The following KANSL3 variants were observed in gnomAD, a reference collection of about 807,000 sequenced individuals.
The protein encoded by KANSL3 is NSL complex protein NSL3.
In KANSL3, 16 loss-of-function variants were observed where a neutral mutation model predicts 89.2. The observed-to-expected ratio is 0.18, with a 90% CI of 0.12 to 0.27. The LOEUF is 0.27. Among genes scored for constraint, KANSL3 ranks in the 10% least tolerant of loss-of-function variants. The pLI is 1.00. For synonymous variants in KANSL3, 385 were observed against 419.7 expected, an observed-to-expected ratio of 0.92 and a Z score of 1.01; for missense variants, 879 against 1,110.6, an observed-to-expected ratio of 0.79 and a Z score of 2.96.
At position 96,633,683 on chromosome 2, in the gene KANSL3, T is replaced by C. The variant is rs1334747586; in HGVS notation, c.216-2201A>G. On this transcript the variant is annotated intron_variant, in intron 2 of 20. Coordinates refer to ENST00000431828, the MANE Select transcript of KANSL3 (RefSeq NM_001115016.3). ...GAGTTTGCAACCAGCCTGGGCAACA[T>C]GGTGAAACCTCGTCTCTACTAAACA... is the stretch of plus-strand genomic sequence containing the variant. 2.0e-5 allele frequency among the ~76,000 whole-genome samples: 3 copies of C among 151,760 alleles called. No individual in the cohort carries two copies. In the South Asian group the frequency reaches 6.3e-4, roughly 32 times the overall value.
At chr2:96,597,325 T>A (rs1409505951) in intron 20 of KANSL3, among the ~76,000 whole-genome samples, 1 of 152,202 alleles carries the variant, frequency 6.6e-6, no homozygotes. Context: ...GAGATTCTGA[T>A]CCTGCCACCA....
At chr2:96,636,567 G>A (rs1021001042) in intron 2 of KANSL3, among the ~76,000 whole-genome samples, 1 of 152,204 alleles carries the variant, frequency 6.6e-6, no homozygotes, top group African/African-American at 2.4e-5. Flanking sequence ...CTGGACTAAT[G>A]TGATAAAAGA....
At chr2:96,634,312 A>G (rs1182994645) in intron 2 of KANSL3, 2 of 152,290 alleles carry the variant, frequency 1.3e-5, no homozygotes, top group African/African-American at 4.8e-5. Context: ...GCTTAAAGTC[A>G]TGAGTTCAAG....
At chr2:96,634,680 T>C (rs1018495664) in intron 2 of KANSL3, among the ~76,000 whole-genome samples, 2 of 152,258 alleles carry the variant, frequency 1.3e-5, no homozygotes, top group Non-Finnish European at 1.5e-5. Context: ...GTGACCTTAC[T>C]GCATCCATTT....
chr2:96,609,586 G>T, intron 11 of KANSL3, 24 bp from the exon 12 acceptor site: 1 of 1,594,856 alleles, frequency 6.3e-7, no homozygotes. Flanking sequence ...AGGATGACAT[G>T]TTTACTTCTT....
intron 20 of KANSL3, chr2:96,600,746 G>T (rs1467959782): frequency 1.0e-6 from 1 of 985,316 alleles, no homozygotes; most frequent in East Asian, 1.1e-4. Context: ...ACTTGAAAAG[G>T]TCACAGGGGA....
chr2:96,620,918 C>T (rs1375701993), intron 3 of KANSL3, among the ~76,000 whole-genome samples: 1 of 152,116 alleles, frequency 6.6e-6, no homozygotes, highest in Non-Finnish European at 1.5e-5. Flanking sequence ...GGGAGAATCG[C>T]TTGAGCCCAG....
At chr2:96,630,176 A>G (rs2073126720) in intron 3 of KANSL3, among the ~76,000 whole-genome samples, 1 of 152,104 alleles carries the variant, frequency 6.6e-6, no homozygotes, top group Non-Finnish European at 1.5e-5. Context: ...CCAGGTATAT[A>G]ACTAAGAGAA....
the KANSL3 span, among the ~76,000 whole-genome samples, chr2:96,586,870 T>C: frequency 6.6e-6 from 1 of 152,260 alleles, no homozygotes; most frequent in African/African-American, 2.4e-5. Flanking sequence ...ATTAATTCTT[T>C]AGCCATATCC....
intron 2 of KANSL3, 129 bp from the exon 3 acceptor site, chr2:96,631,611 A>G: frequency 1.7e-6 from 2 of 1,146,702 alleles, no homozygotes; most frequent in East Asian, 5.1e-5. Context: ...TTATATTCAC[A>G]AGAAAATTTT....
downstream of KANSL3, among the ~76,000 whole-genome samples, chr2:96,590,347 C>A (rs1419005103): frequency 6.6e-6 from 1 of 151,466 alleles, no homozygotes; most frequent in African/African-American, 2.4e-5. Flanking sequence ...AGATTGAGTA[C>A]CATGGCACGA....
intron 3 of KANSL3, among the ~76,000 whole-genome samples, chr2:96,621,335 G>A (rs2071229457): frequency 6.6e-6 from 1 of 151,866 alleles, no homozygotes; most frequent in Admixed American, 6.6e-5. Context: ...CCAATATGGT[G>A]AAACCCCATC....
At chr2:96,612,646 C>T in intron 7 of KANSL3, 83 bp from the exon 8 acceptor site, 1 of 1,261,842 alleles carries the variant, frequency 7.9e-7, no homozygotes, top group South Asian at 1.3e-5. Context: ...AAACCCAAAA[C>T]CTTGGAATTC....
chr2:96,593,114 G>C, downstream of KANSL3: 1 of 380,014 alleles, frequency 2.6e-6, no homozygotes. Context: ...ACTTCATTGG[G>C]TGGTTTCCAG....
chr2:96,611,720 T>TA (rs1396256894), intron 9 of KANSL3, among the ~76,000 whole-genome samples: 4 of 152,134 alleles, frequency 2.6e-5, no homozygotes, highest in Non-Finnish European at 1.5e-5. Context: ...CAAATATATG[T>TA]AAAATACGAA....
chr2:96,613,672 AC>A, intron 5 of KANSL3, 53 bp from the exon 6 acceptor site: 1 of 1,566,226 alleles, frequency 6.4e-7, no homozygotes, highest in Non-Finnish European at 8.7e-7. Context: ...GAGACCTTCC[AC>A]CACCAGCAAT....
intron 2 of KANSL3, among the ~76,000 whole-genome samples, chr2:96,634,343 G>C (rs1230022203): frequency 6.6e-6 from 1 of 152,178 alleles, no homozygotes; most frequent in Non-Finnish European, 1.5e-5. Flanking sequence ...CCAACATGGT[G>C]AAACTCCGTC....
chr2:96,635,430 C>G (rs1449986389), intron 2 of KANSL3, among the ~76,000 whole-genome samples: 1 of 152,182 alleles, frequency 6.6e-6, no homozygotes, highest in Non-Finnish European at 1.5e-5. Flanking sequence ...AGAACCAAGT[C>G]CACAGAATCT....
intron 2 of KANSL3, among the ~76,000 whole-genome samples, chr2:96,632,500 G>A (rs567850403): frequency 6.6e-6 from 1 of 152,140 alleles, no homozygotes; most frequent in East Asian, 1.9e-4. Context: ...AAGTTGATTT[G>A]GCTCAAGCTA....
Sources: gnomAD v4.1 joint callset for allele counts (sites outside exome capture counted in the v4.1 genomes callset) on GRCh38, gnomAD v4.1.1 for gene constraint, MANE v1.5 for transcripts, NCBI Gene and HGNC (gene_info 2026-07-23, HGNC 2026-07-21) for gene names.